The following SERPINI1 variants were observed in gnomAD, a reference collection of about 807,000 sequenced individuals.
SERPINI1 encodes the protein serpin family I member 1.
SERPINI1 carries 19 observed loss-of-function variants against 41.1 expected under a neutral mutation model. The observed-to-expected ratio is 0.46, with a 90% CI of 0.32 to 0.68. The LOEUF is 0.68. Ranked by LOEUF, SERPINI1 falls within the 30% of genes least tolerant of loss-of-function variation. The probability of loss-of-function intolerance (pLI) is 0.03; values close to 1 mark genes in which losing one functional copy is unlikely to be tolerated. For missense variants in SERPINI1, 460 were observed against 479.2 expected, an observed-to-expected ratio of 0.96 and a Z score of 0.37; for synonymous variants, 138 against 156.6, an observed-to-expected ratio of 0.88 and a Z score of 0.89.
At chr3:167,738,867 A>C (rs180944421) in intron 1 of SERPINI1, among the ~76,000 whole-genome samples, 1 of 151,126 alleles carries the variant, frequency 6.6e-6, no homozygotes, top group Non-Finnish European at 1.5e-5. Context: ...ATATTCATGG[A>C]TTATTAACCA....
At chr3:167,736,516 A>G (rs1275379235) in intron 1 of SERPINI1, among the ~76,000 whole-genome samples, 6 of 152,200 alleles carry the variant, frequency 3.9e-5, no homozygotes, top group Non-Finnish European at 5.9e-5. Context: ...CATATGGTGT[A>G]CCTCACTGCT....
At chr3:167,754,994 T>C (rs1306847060) in intron 1 of SERPINI1, among the ~76,000 whole-genome samples, 1 of 152,228 alleles carries the variant, frequency 6.6e-6, no homozygotes, top group Non-Finnish European at 1.5e-5. Context: ...TGATAGCTCC[T>C]TCCTGCAGCC....
At chr3:167,748,752 C>CTGTGTGTGTGTGTGTGTGTGTGTG (rs34438429) in intron 1 of SERPINI1, among the ~76,000 whole-genome samples, 1 of 143,548 alleles carries the variant, frequency 7.0e-6, no homozygotes, top group Non-Finnish European at 1.5e-5. Context: ...GTGTGTTACT[C>CTGTGTGTGTGTGTGTGTGTGTGTG]TGTGTGTGTG....
chr3:167,765,815 C>A (rs1726549460), intron 1 of SERPINI1, among the ~76,000 whole-genome samples: 1 of 152,150 alleles, frequency 6.6e-6, no homozygotes, highest in African/African-American at 2.4e-5. Context: ...CTGCCAGATA[C>A]CCTAAATCAT....
intron 6 of SERPINI1, among the ~76,000 whole-genome samples, chr3:167,813,018 G>A (rs1711944831): frequency 1.3e-5 from 2 of 152,116 alleles, no homozygotes; most frequent in Admixed American, 1.3e-4. Context: ...TCAGCATCAA[G>A]TACAAGCTTT....
At position 167,822,222 on chromosome 3, in the gene SERPINI1, C is replaced by T. The variant is rs1253376401; in HGVS notation, c.980-764C>T. 2.6e-5 allele frequency among the ~76,000 whole-genome samples: 4 copies of T among 152,164 alleles called. No individual in the cohort carries two copies. In the East Asian group the frequency reaches 7.7e-4, roughly 29 times the overall value. On this transcript the variant is annotated intron_variant, in intron 6 of 8. Transcript: ENST00000446050. ...GAACGCTAGTCATATTGGATTAGGA[C>T]CCACCCTAATGACCTCATTTAAATT...
At chr3:167,777,028 G>A (rs921432521) in intron 1 of SERPINI1, among the ~76,000 whole-genome samples, 3 of 152,056 alleles carry the variant, frequency 2.0e-5, no homozygotes, top group Admixed American at 6.6e-5. Flanking sequence ...TCCTCATCTT[G>A]CCCAACCTAC....
intron 5 of SERPINI1, among the ~76,000 whole-genome samples, chr3:167,803,865 A>G (rs1353690372): frequency 2.6e-5 from 4 of 152,124 alleles, no homozygotes; most frequent in Non-Finnish European, 5.9e-5. Context: ...CTGCTACTCA[A>G]TGTTTTCTAT....
rs556071109 is a variant in SERPINI1 at position 167,780,169 on chromosome 3, C to T, written c.-18-8942C>T. ...AAACCTTTTTAACATTCTTTTGAAT[C>T]ACTTTGTCCATCATTTATCATGCAT... On this transcript the variant is annotated intron_variant, in intron 1 of 8. Coordinates refer to ENST00000446050, the MANE Select transcript of SERPINI1 (RefSeq NM_001122752.2). Among the ~76,000 whole-genome samples the T allele has an allele frequency of 5.9e-5, 9 of 152,230 alleles. No individual in the cohort carries two copies. The South Asian group carries it at 1.9e-3, about 32-fold the overall frequency.
chr3:167,759,985 A>G (rs1726328091), intron 1 of SERPINI1, among the ~76,000 whole-genome samples: 1 of 152,220 alleles, frequency 6.6e-6, no homozygotes, highest in South Asian at 2.1e-4. Context: ...ACGTATGTAT[A>G]TATGCCACGT....
intron 1 of SERPINI1, among the ~76,000 whole-genome samples, chr3:167,760,652 GT>G (rs1726347286): frequency 1.3e-5 from 2 of 151,214 alleles, no homozygotes; most frequent in Admixed American, 1.3e-4. Context: ...AACGCTATGG[GT>G]TGTTTAAGTG....
intron 2 of SERPINI1, among the ~76,000 whole-genome samples, chr3:167,789,638 ATT>A (rs969552072): frequency 2.6e-5 from 4 of 152,178 alleles, no homozygotes; most frequent in Admixed American, 2.6e-4. Flanking sequence ...AAAAGCAAAC[ATT>A]TTTCTGGAGT....
At chr3:167,746,624 T>C (rs1725870260) in intron 1 of SERPINI1, among the ~76,000 whole-genome samples, 2 of 152,138 alleles carry the variant, frequency 1.3e-5, no homozygotes, top group Admixed American at 1.3e-4. Context: ...CCAAACAAGA[T>C]GTAAAAATCC....
intron 8 of SERPINI1, 50 bp downstream of exon 8, chr3:167,824,612 T>C: frequency 8.2e-7 from 1 of 1,214,766 alleles, no homozygotes; most frequent in Non-Finnish European, 1.2e-6. Context: ...ACAAAGAACC[T>C]CTTTTTTAAA....
intron 5 of SERPINI1, among the ~76,000 whole-genome samples, chr3:167,798,989 A>T (rs1727804158): frequency 6.6e-6 from 1 of 152,164 alleles, no homozygotes; most frequent in South Asian, 2.1e-4. Context: ...ATCTAAAATA[A>T]AAGGTTTTTT....
intron 6 of SERPINI1, among the ~76,000 whole-genome samples, chr3:167,820,170 C>T (rs1712263648): frequency 6.6e-6 from 1 of 151,120 alleles, no homozygotes; most frequent in African/African-American, 2.4e-5. Flanking sequence ...CGTCTGTCCC[C>T]TCTATCTTCA....
At chr3:167,810,152 A>C (rs1577431332) in intron 6 of SERPINI1, among the ~76,000 whole-genome samples, 1 of 152,064 alleles carries the variant, frequency 6.6e-6, no homozygotes, top group Non-Finnish European at 1.5e-5. Context: ...AATAGCATTT[A>C]TCTCTTCATC....
At chr3:167,736,597 G>A (rs1462211133) in intron 1 of SERPINI1, among the ~76,000 whole-genome samples, 1 of 152,104 alleles carries the variant, frequency 6.6e-6, no homozygotes, top group African/African-American at 2.4e-5. Context: ...AAAGCTGTGT[G>A]GGAATCTTTT....
At chr3:167,741,323 C>G (rs1725670990) in intron 1 of SERPINI1, among the ~76,000 whole-genome samples, 1 of 152,146 alleles carries the variant, frequency 6.6e-6, no homozygotes, top group Non-Finnish European at 1.5e-5. Context: ...ACCAGGATTC[C>G]CAGTAAGAGT....
Sources: allele counts gnomAD v4.1 joint callset (sites outside exome capture counted in the v4.1 genomes callset), GRCh38; gene constraint gnomAD v4.1.1; transcripts MANE v1.5; gene names NCBI Gene and HGNC (gene_info 2026-07-23, HGNC 2026-07-21).